Variants in MYO16 observed in about 807,000 individuals in gnomAD.
MYO16 encodes the protein myosin XVI.
In MYO16, 94 loss-of-function variants were observed where a neutral mutation model predicts 205.3. That is an observed-to-expected ratio of 0.46 (90% CI 0.39 to 0.54). The LOEUF (loss-of-function observed/expected upper bound fraction) is 0.54. MYO16 is among the 20% of genes least tolerant of loss of function. The pLI, the probability that MYO16 is intolerant of heterozygous loss-of-function variation, is 0.00. For synonymous variants in MYO16, 988 were observed against 954.0 expected (o/e 1.04, Z -0.66); for missense variants, 2,315 against 2,387.5 (o/e 0.97, Z 0.63).
At chr13:109,085,384 G>A (rs1310351209) in intron 27 of MYO16, among the ~76,000 whole-genome samples, 1 of 152,160 alleles carries the variant, frequency 6.6e-6, no homozygotes, top group Non-Finnish European at 1.5e-5. Flanking sequence ...TTTAGGATGT[G>A]GAAGGACCAC....
intron 4 of MYO16, among the ~76,000 whole-genome samples, chr13:108,729,390 G>A (rs1030423832): frequency 2.0e-4 from 30 of 152,196 alleles, no homozygotes; most frequent in African/African-American, 6.3e-4. Flanking sequence ...GAGGAACTAC[G>A]TTCATAGTAG....
intron 5 of MYO16, among the ~76,000 whole-genome samples, chr13:108,787,261 A>G (rs1015801593): frequency 6.6e-6 from 1 of 152,234 alleles, no homozygotes; most frequent in Non-Finnish European, 1.5e-5. Flanking sequence ...TACAAACATC[A>G]AGCTGTATAC....
intron 1 of MYO16, among the ~76,000 whole-genome samples, chr13:108,608,650 TGA>T (rs869209278): frequency 1.1e-5 from 1 of 92,138 alleles, no homozygotes; most frequent in Admixed American, 1.0e-4. Flanking sequence ...TACCCACAAA[TGA>T]TTTTTTTTTT....
At chr13:108,601,087 G>A (rs754756267) in intron 1 of MYO16, among the ~76,000 whole-genome samples, 15 of 152,064 alleles carry the variant, frequency 9.9e-5, no homozygotes, top group Non-Finnish European at 1.9e-4. Flanking sequence ...GCCTTACAAA[G>A]GGACCACTTT....
At chr13:108,827,049 C>T (rs1876311074) in intron 9 of MYO16, among the ~76,000 whole-genome samples, 1 of 151,944 alleles carries the variant, frequency 6.6e-6, no homozygotes, top group South Asian at 2.1e-4. Flanking sequence ...GTTTATCTCC[C>T]AGATAATGAA....
chr13:108,679,873 A>T (rs1158454165), intron 2 of MYO16, among the ~76,000 whole-genome samples: 2 of 151,860 alleles, frequency 1.3e-5, no homozygotes, highest in African/African-American at 4.8e-5. Flanking sequence ...TTCCCATTTC[A>T]CACCCAGCCC....
intron 1 of MYO16, among the ~76,000 whole-genome samples, chr13:108,618,445 A>C (rs1293945096): frequency 6.6e-6 from 1 of 152,188 alleles, no homozygotes; most frequent in Non-Finnish European, 1.5e-5. Context: ...GCAGATGAGA[A>C]GCTGCTAGAG....
Position 109,127,572 on chromosome 13 carries a change from A to T in MYO16, c.4051+22A>T. ...GAAGGTCAGCCCTGGGGAGGGACCC[A>T]GCCTCGTGTTCCGGGCTCGCGCATG... On this transcript the variant is annotated intron_variant, in intron 31 of 34. Coordinates refer to ENST00000457511, the MANE Select transcript of MYO16 (RefSeq NM_001198950.3). The surrounding 1 kb of genome is among the most constrained non-coding windows in gnomAD (Gnocchi z 4.2). 1 of 1,603,314 alleles carries T rather than the reference A, an allele frequency of 6.2e-7. No individual in the cohort carries two copies. The highest frequency in any genetic ancestry group is 8.5e-7 in the Non-Finnish European group (1 of 1,178,442).
chr13:108,968,240 G>A (rs1883871574), intron 20 of MYO16, among the ~76,000 whole-genome samples: 2 of 152,042 alleles, frequency 1.3e-5, no homozygotes, highest in South Asian at 4.1e-4. Flanking sequence ...GTGCTATCAT[G>A]GTCTTTCGAT....
rs1427686261 is a variant in MYO16, at chr13:109,127,556, C to T, written c.4051+6C>T. ...CAGGGAAGCGGCCAACGAAGGTCAG[C>T]CCTGGGGAGGGACCCAGCCTCGTGT... On this transcript the variant is annotated splice_donor_region_variant and intron_variant, in intron 31 of 34. Coordinates refer to ENST00000457511, the MANE Select transcript of MYO16 (RefSeq NM_001198950.3). This position sits in a 1 kb window ranked among gnomAD's most constrained non-coding sequence, Gnocchi z 4.2. The T allele has an allele frequency of 6.2e-7, 1 of 1,607,592 alleles. No homozygotes were observed. Among genetic ancestry groups the T allele is most frequent in the Admixed American group, 1.7e-5 (1 of 59,938 alleles).
intron 34 of MYO16, among the ~76,000 whole-genome samples, chr13:109,191,311 G>A (rs775590690): frequency 3.9e-5 from 6 of 152,220 alleles, no homozygotes; most frequent in East Asian, 1.9e-4. Flanking sequence ...GTCTAGGCAC[G>A]TGGGATACTT....
intron 19 of MYO16, 120 bp from the exon 20 acceptor site, chr13:108,964,640 AT>A: frequency 9.2e-7 from 1 of 1,092,642 alleles, no homozygotes. Context: ...AATCCGTATA[AT>A]TTTTATACAT....
intron 27 of MYO16, among the ~76,000 whole-genome samples, chr13:109,087,216 A>T (rs76035216): frequency 0.17 from 25,402 of 152,104 alleles, 2,221 homozygotes; most frequent in South Asian, 0.19. Context: ...TTCATTCTTA[A>T]CTTCTCAGTG....
intron 13 of MYO16, among the ~76,000 whole-genome samples, chr13:108,883,571 A>G (rs1176026978): frequency 6.6e-6 from 1 of 151,588 alleles, no homozygotes; most frequent in East Asian, 1.9e-4. Flanking sequence ...TTCCAAAGGT[A>G]TGTTTTCTCA....
chr13:108,931,413 A>G (rs867699070), intron 16 of MYO16, among the ~76,000 whole-genome samples: 1 of 152,106 alleles, frequency 6.6e-6, no homozygotes, highest in African/African-American at 2.4e-5. Flanking sequence ...CTCCTCCTCC[A>G]AGAAAACATT....
At chr13:108,649,288 C>T (rs7327834) in intron 1 of MYO16, among the ~76,000 whole-genome samples, 27,712 of 152,118 alleles carry the variant, frequency 0.18, 3,861 homozygotes, top group African/African-American at 0.38. Context: ...CCCACTAGGG[C>T]CAGGTCCTAC....
At chr13:109,112,975 A>C (rs1889335886) in intron 28 of MYO16, among the ~76,000 whole-genome samples, 1 of 152,204 alleles carries the variant, frequency 6.6e-6, no homozygotes, top group South Asian at 2.1e-4. Flanking sequence ...CAGATACACA[A>C]ATAAGAAGAA....
intron 7 of MYO16, among the ~76,000 whole-genome samples, chr13:108,817,086 G>A (rs926121630): frequency 6.6e-6 from 1 of 152,040 alleles, no homozygotes; most frequent in South Asian, 2.1e-4. Context: ...AAAATTGCCA[G>A]TGAGGATAAA....
intron 2 of MYO16, among the ~76,000 whole-genome samples, chr13:108,682,478 A>G (rs1882502543): frequency 6.6e-6 from 1 of 152,108 alleles, no homozygotes; most frequent in African/African-American, 2.4e-5. Flanking sequence ...AGCCGCGGGC[A>G]CACAGGCTCA....
Sources: gnomAD v4.1 joint callset for allele counts (sites outside exome capture counted in the v4.1 genomes callset) on GRCh38, gnomAD v4.1.1 for gene constraint, Gnocchi (gnomAD v3.1) non-coding constraint, MANE v1.5 for transcripts, NCBI Gene and HGNC (gene_info 2026-07-23, HGNC 2026-07-21) for gene names.